The following CTNNA2 variants were observed in gnomAD, a reference collection of about 807,000 sequenced individuals.
CTNNA2 encodes catenin alpha 2.
In CTNNA2, 42 loss-of-function variants were observed where a neutral mutation model predicts 101.0. The ratio of observed to expected loss-of-function variants is 0.42; its 90% CI spans 0.32 to 0.54. The LOEUF (loss-of-function observed/expected upper bound fraction) is 0.54. Among genes scored for constraint, CTNNA2 ranks in the 20% least tolerant of loss-of-function variants. The pLI is 0.14. For missense variants in CTNNA2, 871 were observed against 1,223.1 expected, an observed-to-expected ratio of 0.71 and a Z score of 4.29; for synonymous variants, 450 against 456.4, an observed-to-expected ratio of 0.99 and a Z score of 0.18.
intron 1 of CTNNA2, among the ~76,000 whole-genome samples, chr2:79,536,045 CAG>C (rs1256130449): frequency 6.6e-6 from 1 of 152,106 alleles, no homozygotes; most frequent in Non-Finnish European, 1.5e-5. Context: ...GCAACGTAGA[CAG>C]ATAATTTTCA....
At chr2:79,409,517 T>A (rs1042406524) in intron 4 of CTNNA2, among the ~76,000 whole-genome samples, 1 of 151,868 alleles carries the variant, frequency 6.6e-6, no homozygotes, top group African/African-American at 2.4e-5. Context: ...TTTCTACATA[T>A]GGCTAGCCAG....
chr2:79,678,342 G>A (rs895825490), intron 2 of CTNNA2, among the ~76,000 whole-genome samples: 12 of 152,058 alleles, frequency 7.9e-5, no homozygotes, highest in Admixed American at 5.2e-4. Context: ...AGGAGTTCGA[G>A]TACAGCCTAG....
intron 7 of CTNNA2, among the ~76,000 whole-genome samples, chr2:79,997,409 G>A (rs1019649613): frequency 2.6e-5 from 4 of 151,780 alleles, no homozygotes; most frequent in Non-Finnish European, 4.4e-5. Flanking sequence ...AAAGGAAAGA[G>A]GAAAGAGGAA....
At chr2:80,186,138 C>T (rs1706113387) in intron 7 of CTNNA2, among the ~76,000 whole-genome samples, 1 of 152,126 alleles carries the variant, frequency 6.6e-6, no homozygotes, top group African/African-American at 2.4e-5. Flanking sequence ...ATTGGAAAGC[C>T]ACCAGTATCC....
chr2:79,593,672 C>A (rs78716737), intron 1 of CTNNA2, among the ~76,000 whole-genome samples: 2 of 152,056 alleles, frequency 1.3e-5, no homozygotes, highest in Non-Finnish European at 2.9e-5. Context: ...GCTGACTCAG[C>A]ATCTTTCTTG....
chr2:79,428,212 C>T (rs1678612980), intron 4 of CTNNA2, among the ~76,000 whole-genome samples: 1 of 151,694 alleles, frequency 6.6e-6, no homozygotes. Context: ...TTCCTTGATC[C>T]ATGTTTTCAA....
chr2:79,317,568 C>A (rs1395818742), intron 3 of CTNNA2, among the ~76,000 whole-genome samples: 1 of 152,044 alleles, frequency 6.6e-6, no homozygotes, highest in East Asian at 1.9e-4. Context: ...CTCCTTTCAT[C>A]AGAGTGTTCT....
intron 9 of CTNNA2, among the ~76,000 whole-genome samples, chr2:80,533,495 G>A (rs528932766): frequency 6.6e-6 from 1 of 152,224 alleles, no homozygotes; most frequent in South Asian, 2.1e-4. Context: ...CTTGTCATCT[G>A]GAAATGTAGG....
chr2:79,325,880 A>G (rs1676734357), intron 3 of CTNNA2, among the ~76,000 whole-genome samples: 1 of 152,164 alleles, frequency 6.6e-6, no homozygotes, highest in Non-Finnish European at 1.5e-5. Flanking sequence ...AACTTTGATC[A>G]TCATATTTTT....
chr2:79,982,655 T>C (rs903543115), intron 7 of CTNNA2, among the ~76,000 whole-genome samples: 2 of 152,054 alleles, frequency 1.3e-5, no homozygotes, highest in African/African-American at 2.4e-5. Context: ...AACTATGTGC[T>C]ATGCCGGTGG....
intron 2 of CTNNA2, among the ~76,000 whole-genome samples, chr2:79,679,045 G>C (rs1162226704): frequency 6.6e-6 from 1 of 151,904 alleles, no homozygotes; most frequent in Non-Finnish European, 1.5e-5. Flanking sequence ...ATGTATACCC[G>C]TATGATCTAC....
chr2:80,310,972 C>CAAAAA (rs3040535), intron 7 of CTNNA2, among the ~76,000 whole-genome samples: 2 of 96,404 alleles, frequency 2.1e-5, no homozygotes, highest in African/African-American at 3.4e-5. Flanking sequence ...GACTCCATCT[C>CAAAAA]AAAAAAAAAA....
chr2:80,173,613 C>T (rs79030880), intron 7 of CTNNA2, among the ~76,000 whole-genome samples: 4,728 of 152,234 alleles, frequency 0.031, 191 homozygotes, highest in African/African-American at 0.095. Context: ...ATAGTTTCCT[C>T]GCACTGGATG....
At chr2:79,375,783 A>G (rs753147477) in intron 4 of CTNNA2, among the ~76,000 whole-genome samples, 13 of 152,240 alleles carry the variant, frequency 8.5e-5, no homozygotes, top group Non-Finnish European at 1.6e-4. Flanking sequence ...CACTTCAAAC[A>G]TGCCGGTGCA....
intron 2 of CTNNA2, among the ~76,000 whole-genome samples, chr2:79,276,537 T>C (rs200787096): frequency 6.6e-6 from 1 of 152,126 alleles, no homozygotes; most frequent in East Asian, 1.9e-4. Context: ...CTGATATTGA[T>C]ATTGCCAACC....
At chr2:80,044,961 A>C in intron 7 of CTNNA2, among the ~76,000 whole-genome samples, 1 of 152,086 alleles carries the variant, frequency 6.6e-6, no homozygotes, top group East Asian at 1.9e-4. Context: ...CACTCAAGTT[A>C]TTGGAAATGT....
intron 2 of CTNNA2, among the ~76,000 whole-genome samples, chr2:79,284,637 T>G (rs1675505257): frequency 6.7e-6 from 1 of 149,240 alleles, no homozygotes; most frequent in Admixed American, 6.7e-5. Flanking sequence ...ATAAGCTTTT[T>G]GATGTGCTGC....
intron 1 of CTNNA2, among the ~76,000 whole-genome samples, chr2:79,630,979 G>A (rs1202818654): frequency 6.6e-6 from 1 of 150,446 alleles, no homozygotes; most frequent in Non-Finnish European, 1.5e-5. Context: ...CTGAAAGCTG[G>A]TTGAAACCCT....
intron 3 of CTNNA2, among the ~76,000 whole-genome samples, chr2:79,817,031 C>T (rs1257555828): frequency 6.6e-6 from 1 of 151,478 alleles, no homozygotes; most frequent in Non-Finnish European, 1.5e-5. Flanking sequence ...TTTTTTATTG[C>T]CTGTTTTTTT....
Sources: allele counts gnomAD v4.1 joint callset (sites outside exome capture counted in the v4.1 genomes callset), GRCh38; gene constraint gnomAD v4.1.1; transcripts MANE v1.5; gene names NCBI Gene and HGNC (gene_info 2026-07-23, HGNC 2026-07-21).